Variants in DYRK1A observed in about 807,000 individuals in gnomAD.
The protein encoded by DYRK1A is dual specificity tyrosine-phosphorylation-regulated kinase 1A.
A neutral mutation model predicts 79.7 loss-of-function variants in DYRK1A; 9 were observed. The ratio of observed to expected loss-of-function variants is 0.11; its 90% CI spans 0.07 to 0.20. DYRK1A has a LOEUF of 0.20. DYRK1A is among the 10% of genes least tolerant of loss of function. The probability of loss-of-function intolerance (pLI) is 1.00; values close to 1 mark genes in which losing one functional copy is unlikely to be tolerated. For synonymous variants in DYRK1A, 349 were observed against 329.7 expected, an observed-to-expected ratio of 1.06 and a Z score of -0.63; for missense variants, 622 against 956.0, an observed-to-expected ratio of 0.65 and a Z score of 4.61.
chr21:37,375,518 A>ATTTTT (rs1602356632), intron 1 of DYRK1A, among the ~76,000 whole-genome samples: 1 of 89,962 alleles, frequency 1.1e-5, no homozygotes, highest in African/African-American at 4.2e-5. Context: ...GAGGAATATT[A>ATTTTT]CTTTTTTTTT....
chr21:37,506,455 A>G (rs1183593624), intron 11 of DYRK1A: 4 of 1,313,176 alleles, frequency 3.0e-6, no homozygotes, highest in East Asian at 2.6e-5. Context: ...TGTTTTGAAC[A>G]GTTTTTTTCC....
intron 2 of DYRK1A, among the ~76,000 whole-genome samples, chr21:37,469,820 C>T (rs528065762): frequency 2.8e-4 from 42 of 152,202 alleles, no homozygotes; most frequent in South Asian, 4.1e-4. Context: ...GATTACAGTT[C>T]GACATGAGAA....
chr21:37,478,338 G>A lies in DYRK1A; in HGVS notation c.300+38G>A, dbSNP rs928763. The A allele has an allele frequency of 0.85, 1,350,676 of 1,591,540 alleles. 574,358 individuals are homozygous for A. Among genetic ancestry groups the A allele is most frequent in the East Asian group, 1 (44,158 of 44,248 alleles). ...TTGTTATAATAACATCTATCTTGCAGTATGTCATTGAGAAAAAAAGTGTGA... is the reference window on the plus strand; with the variant it reads ...TTGTTATAATAACATCTATCTTGCAATATGTCATTGAGAAAAAAAGTGTGA... On this transcript the variant is annotated intron_variant, in intron 4 of 11. Transcript: ENST00000647188.
At chr21:37,385,903 A>G (rs901698613) in intron 1 of DYRK1A, among the ~76,000 whole-genome samples, 9 of 152,196 alleles carry the variant, frequency 5.9e-5, no homozygotes, top group Non-Finnish European at 7.3e-5. Context: ...AAGCCTGGGG[A>G]AAATTACCTT....
At position 37,488,413 on chromosome 21, in the gene DYRK1A, G is replaced by A. The variant is rs73400150; in HGVS notation, c.638-1762G>A. 1.3e-3 allele frequency: 891 copies of A among 706,556 alleles called. 5 individuals carry two copies. In the African/African-American group the frequency reaches 0.015, roughly 12 times the overall value. 43.8% of individuals were successfully genotyped at this position (706,556 alleles called of 1,614,324 possible). On this transcript the variant is annotated intron_variant, in intron 6 of 11. Coordinates refer to ENST00000647188, the MANE Select transcript of DYRK1A (RefSeq NM_001347721.2). The stretch of plus-strand genomic sequence containing the variant: ...TAGTTTTAAAGTGATTGATGAGTCT[G>A]ATTTATTCTGATGAGTTTTATTGTC...
At chr21:37,488,645 G>A (rs1400927816) in intron 6 of DYRK1A, 3 of 985,236 alleles carry the variant, frequency 3.0e-6, no homozygotes, top group Non-Finnish European at 3.6e-6. Flanking sequence ...AATGTCTTTA[G>A]TGCTCAGCAC....
chr21:37,495,733 A>G (rs1056186982), intron 8 of DYRK1A, among the ~76,000 whole-genome samples: 6 of 137,658 alleles, frequency 4.4e-5, no homozygotes, highest in African/African-American at 1.4e-4. Flanking sequence ...TCAAGGCTGC[A>G]GTGAGCTCTG....
At chr21:37,504,160 G>C (rs1021831616) in intron 9 of DYRK1A, 8 of 152,164 alleles carry the variant, frequency 5.3e-5, no homozygotes, top group African/African-American at 1.9e-4. Flanking sequence ...TTTTGAGCTG[G>C]GATCAGGACA....
At chr21:37,415,096 A>G (rs1160035341) in intron 1 of DYRK1A, among the ~76,000 whole-genome samples, 2 of 152,050 alleles carry the variant, frequency 1.3e-5, no homozygotes, top group Non-Finnish European at 2.9e-5. Flanking sequence ...GTTTTCCTCT[A>G]TTTGTTGGTA....
intron 2 of DYRK1A, among the ~76,000 whole-genome samples, chr21:37,430,017 T>TC (rs1569314682): frequency 6.6e-6 from 1 of 152,230 alleles, no homozygotes; most frequent in Non-Finnish European, 1.5e-5. Flanking sequence ...ATCCAGTTTC[T>TC]CCCGATCCTC....
chr21:37,405,290 C>T (rs2148406491), intron 1 of DYRK1A, among the ~76,000 whole-genome samples: 2 of 152,276 alleles, frequency 1.3e-5, no homozygotes, highest in African/African-American at 4.8e-5. Context: ...CATAAAGCAG[C>T]TGTCCCATTA....
chr21:37,480,619 C>T lies in DYRK1A; in HGVS notation c.301-19C>T. The T allele has an allele frequency of 6.4e-7, 1 of 1,557,086 alleles. No individual in the cohort carries two copies. Among genetic ancestry groups the T allele is most frequent in the Non-Finnish European group, 8.7e-7 (1 of 1,153,708 alleles). On this transcript the variant is annotated intron_variant, in intron 4 of 11. Transcript: ENST00000647188. ...AGTGATTTAAATTTTACAGTTAACA[C>T]TATGTATTCTCATTTCAGGTTTACT...
rs767892447 is a variant in DYRK1A, at chr21:37,524,684, A to G, written c.*12153A>G. On this transcript the variant is annotated 3_prime_UTR_variant, in exon 12 of 12. Coordinates refer to ENST00000647188, the MANE Select transcript of DYRK1A (RefSeq NM_001347721.2). ...CTCATGACAGGGGTCACCATATGTT[A>G]TGCACACTGCTCCGCTATTGCTCTT... 1.4e-4 allele frequency: 21 copies of G among 152,250 alleles called. No individual in the cohort carries two copies. Among genetic ancestry groups the G allele is most frequent in the Non-Finnish European group, 2.5e-4 (17 of 68,052 alleles). 9.4% of individuals were successfully genotyped at this position (152,250 alleles called of 1,614,324 possible).
intron 2 of DYRK1A, among the ~76,000 whole-genome samples, chr21:37,425,093 G>C (rs958492984): frequency 4.6e-5 from 7 of 152,134 alleles, no homozygotes; most frequent in Non-Finnish European, 8.8e-5. Context: ...TCTTTCTAGC[G>C]AGTAGTTTTT....
At chr21:37,457,029 C>G (rs199506971) in intron 2 of DYRK1A, among the ~76,000 whole-genome samples, 2 of 87,826 alleles carry the variant, frequency 2.3e-5, no homozygotes, top group South Asian at 7.4e-4. Flanking sequence ...TACTTACTTA[C>G]TTACTTACTT....
At chr21:37,458,656 T>G (rs2051739360) in intron 2 of DYRK1A, among the ~76,000 whole-genome samples, 1 of 152,188 alleles carries the variant, frequency 6.6e-6, no homozygotes, top group Non-Finnish European at 1.5e-5. Context: ...AGGGGACGCC[T>G]AAGTCCTAGC....
intron 9 of DYRK1A, chr21:37,503,767 A>G (rs190633354): frequency 4.6e-5 from 7 of 152,302 alleles, no homozygotes; most frequent in Admixed American, 3.9e-4. Context: ...CTGAAATTCT[A>G]CATCTATTCA....
chr21:37,404,672 T>C (rs2050116605), intron 1 of DYRK1A, among the ~76,000 whole-genome samples: 1 of 152,220 alleles, frequency 6.6e-6, no homozygotes, highest in Admixed American at 6.5e-5. Flanking sequence ...TCATGACCCT[T>C]CAGGGATCAC....
intron 1 of DYRK1A, among the ~76,000 whole-genome samples, 168 bp downstream of exon 1, chr21:37,367,796 G>C (rs910901131): frequency 1.1e-4 from 17 of 151,120 alleles, no homozygotes; most frequent in Non-Finnish European, 2.4e-4. Flanking sequence ...GCCTCAGGCC[G>C]GGTCCCGGAG....
Sources: allele counts gnomAD v4.1 joint callset (sites outside exome capture counted in the v4.1 genomes callset), GRCh38; gene constraint gnomAD v4.1.1; transcripts MANE v1.5; gene names NCBI Gene and HGNC (gene_info 2026-07-23, HGNC 2026-07-21).